The following WDR87 variants were observed in gnomAD, a reference collection of about 807,000 sequenced individuals.
The protein encoded by WDR87 is WD repeat-containing protein 87.
Under a neutral mutation model 83.3 loss-of-function variants are expected in WDR87, and 56 were observed. The observed-to-expected ratio is 0.67, with a 90% CI of 0.54 to 0.84. WDR87 has a LOEUF of 0.84. Ranked by LOEUF, WDR87 falls within the 40% of genes least tolerant of loss-of-function variation. WDR87 has a pLI of 0.00. For synonymous variants in WDR87, 1,173 were observed against 1,250.6 expected, an observed-to-expected ratio of 0.94 and a Z score of 1.31; for missense variants, 2,939 against 3,431.9, an observed-to-expected ratio of 0.86 and a Z score of 3.59.
chr19:37,891,647 G>A lies in WDR87; in HGVS notation c.3299C>T (p.Ser1100Phe). ...AGAAACTGTAGGAGGTTTCAGGGAG[G>A]ATTTAAGTTCAGAAGGCATTGAGAC... ...LDVSMPSELKSSLKPPTVSEE... is the reference protein window; with the variant it reads ...LDVSMPSELKFSLKPPTVSEE... Residue 1100 changes from serine to phenylalanine, a missense_variant, in exon 5 of 6, where the codon TCC (serine) becomes TTC (phenylalanine). Transcript: ENST00000447313. The A allele has an allele frequency of 6.4e-7, 1 of 1,551,874 alleles. No individual in the cohort carries two copies. Among genetic ancestry groups the A allele is most frequent in the Non-Finnish European group, 8.7e-7 (1 of 1,147,044 alleles).
rs919585625 is a variant in WDR87 at position 37,889,985 on chromosome 19, T to A, written c.3686A>T (p.Lys1229Met). 1.3e-6 allele frequency: 2 copies of A among 1,551,758 alleles called. No homozygotes were observed. The highest frequency in any genetic ancestry group is 1.7e-6 in the Non-Finnish European group (2 of 1,147,002). The change falls in exon 6 of 6, where the codon AAG (lysine) becomes ATG (methionine). Residue 1229 changes from lysine to methionine, a missense_variant. Physicochemically the swap from Lys to Met is moderately conservative, Grantham distance 95. This residue lies in a region of WDR87 where 2,160 missense variants were observed against 2,533.1 expected (regional missense o/e 0.85). Transcript: ENST00000447313. ...TTCTTTTCCCTTCTTTTTGTGCTTC[T>A]TTTTGAGTTTCTGAGCTGTTGCTTT... ...DKKATAQKLK[K>M]KHKKKGKEAK...
rs551828717 is a variant in WDR87, at chr19:37,904,194, G to A, written c.-47+2305C>T. Among the ~76,000 whole-genome samples the A allele has an allele frequency of 3.3e-5, 5 of 152,152 alleles. No homozygotes were observed. The South Asian group carries it at 6.2e-4, about 19-fold the overall frequency. On this transcript the variant is annotated intron_variant, in intron 1 of 5. Coordinates refer to ENST00000447313, the MANE Select transcript of WDR87 (RefSeq NM_001291088.2). ...TGGGATTACAGGCATGAGCCACTGC[G>A]CCCGGCCATTAAACAACTTTTAAAA...
Position 37,885,128 on chromosome 19 carries a change from C to A in WDR87, c.8543G>T (p.Cys2848Phe). Reference sequence around the variant, plus strand: ...ACTTCTAGGAGTATGAGAACTGCCACAAAACAGGCAGCAGAACAGCCGTTC... The same window carrying A: ...ACTTCTAGGAGTATGAGAACTGCCAAAAAACAGGCAGCAGAACAGCCGTTC... ...PGERLFCCLFCGSSHTPRSPQ... is the reference protein window; with the variant it reads ...PGERLFCCLFFGSSHTPRSPQ... The change falls in exon 6 of 6, where the codon TGT becomes TTT. Residue 2848 changes from cysteine to phenylalanine, a missense_variant. Cys to Phe is a radical substitution (Grantham distance 205, BLOSUM62 -2). Around this residue, in one of 3 missense-constraint regions of WDR87, gnomAD observed 2,160 missense variants for 2,533.1 expected, o/e 0.85. Transcript: ENST00000447313. 1 of 1,462,750 alleles carries A rather than the reference C, an allele frequency of 6.8e-7. No individual in the cohort carries two copies. The allele number at this position is 1,462,750 out of a possible 1,614,324, so 90.6% of individuals were successfully genotyped here.
At position 37,893,548 on chromosome 19, in the gene WDR87, T is replaced by C; in HGVS notation, c.2155A>G (p.Ile719Val). 2 of 1,551,802 alleles carry C rather than the reference T, an allele frequency of 1.3e-6. No individual in the cohort carries two copies. Among genetic ancestry groups the C allele is most frequent in the South Asian group, 1.2e-5 (1 of 84,070 alleles). The change falls in exon 4 of 6, where the codon ATC (isoleucine) becomes GTC (valine). Residue 719 changes from isoleucine (I) to valine (V), a missense_variant. This residue lies in a region of WDR87 where 553 missense variants were observed against 577.9 expected (regional missense o/e 0.96). Coordinates refer to ENST00000447313, the MANE Select transcript of WDR87 (RefSeq NM_001291088.2). ...SFETMFVPKY[I>V]YPGQAQQKLV... Reference sequence around the variant, plus strand: ...TTCTGTTGCGCTTGTCCAGGGTAGATGTACTTGGGCACAAACATGGTCTCA... The same window carrying C: ...TTCTGTTGCGCTTGTCCAGGGTAGACGTACTTGGGCACAAACATGGTCTCA...
chr19:37,888,006 T>A lies in WDR87; in HGVS notation c.5665A>T (p.Lys1889Ter), dbSNP rs1168646516. Reference protein sequence around the residue: ...AQEKKNLAQEKEKLAQRKENL... With the variant: ...AQEKKNLAQE Reference sequence around the variant, plus strand: ...TCTTTCCTCTGAGCCAATTTTTCCTTCTCCTGGGCCAGATTCTTCTTTTCC... The same window carrying A: ...TCTTTCCTCTGAGCCAATTTTTCCTACTCCTGGGCCAGATTCTTCTTTTCC... Residue 1889 changes from lysine (K) to a stop codon, truncating the protein, a stop_gained, in exon 6 of 6, where the codon AAG (lysine) becomes TAG (stop). Coordinates refer to ENST00000447313, the MANE Select transcript of WDR87 (RefSeq NM_001291088.2). LOFTEE classifies it low-confidence loss of function (END_TRUNC). 6.4e-7 allele frequency: 1 copy of A among 1,550,546 alleles called. No individual in the cohort carries two copies. The highest frequency in any genetic ancestry group is 8.7e-7 in the Non-Finnish European group (1 of 1,146,812).
rs1438362899 is a variant in WDR87 at position 37,889,917 on chromosome 19, G to A, written c.3754C>T (p.Gln1252Ter). Residue 1252 changes from glutamine (Q) to a stop codon, truncating the protein, a stop_gained, in exon 6 of 6, where the codon CAG (glutamine) becomes TAG (stop). Transcript: ENST00000447313. LOFTEE classifies it low-confidence loss of function (END_TRUNC). Reference protein sequence around the residue: ...NEETTPPVMEQPVTKKVKIQG... With the variant: ...NEETTPPVME ...ATTTTAACCTTTTTAGTAACTGGCT[G>A]TTCCATTACAGGAGGTGTAGTTTCC... The A allele has an allele frequency of 6.4e-7, 1 of 1,551,592 alleles. No homozygotes were observed. Among genetic ancestry groups the A allele is most frequent in the Non-Finnish European group, 8.7e-7 (1 of 1,146,994 alleles).
chr19:37,896,100 G>A (rs1273328918), intron 3 of WDR87, 38 bp downstream of exon 3: 2 of 1,550,668 alleles, frequency 1.3e-6, no homozygotes, highest in Admixed American at 3.9e-5. Flanking sequence ...CATGGCTCTT[G>A]GAGAATGGGC....
chr19:37,887,118 G>C lies in WDR87; in HGVS notation c.6553C>G (p.Leu2185Val), dbSNP rs781511961. 6 of 1,549,838 alleles carry C rather than the reference G, an allele frequency of 3.9e-6. No homozygotes were observed. The African/African-American group carries it at 6.9e-5, about 18-fold the overall frequency. ...EKKLARKQRK[L>V]ANKMRRMINK... ...ATCATTCTTCTCATTTTGTTGGCCA[G>C]TTTTCTCTGCTTCCGAGCCAGTTTC... The change falls in exon 6 of 6, where the codon CTG (leucine) becomes GTG (valine). Residue 2185 changes from leucine to valine, a missense_variant. By Grantham distance (32) the Leu-to-Val change is conservative. Around this residue, in one of 3 missense-constraint regions of WDR87, gnomAD observed 2,160 missense variants for 2,533.1 expected, o/e 0.85. Coordinates refer to ENST00000447313, the MANE Select transcript of WDR87 (RefSeq NM_001291088.2).
chr19:37,902,876 C>T (rs191980039), intron 1 of WDR87, among the ~76,000 whole-genome samples: 3 of 152,248 alleles, frequency 2.0e-5, no homozygotes, highest in Admixed American at 1.3e-4. Context: ...TGAGGGGATC[C>T]AGGCAGGTTT....
At chr19:37,902,909 C>T (rs937521120) in intron 1 of WDR87, among the ~76,000 whole-genome samples, 1 of 152,138 alleles carries the variant, frequency 6.6e-6, no homozygotes, top group African/African-American at 2.4e-5. Context: ...AGCTTATAGT[C>T]ATCAAAGAAG....
intron 2 of WDR87, 91 bp downstream of exon 2, chr19:37,898,074 A>G: frequency 6.8e-7 from 1 of 1,464,712 alleles, no homozygotes; most frequent in Non-Finnish European, 9.3e-7. Flanking sequence ...TCCTGTTCTC[A>G]AGGACAATCT....
rs188055814 is a variant in WDR87, at chr19:37,888,589, C to A, written c.5082G>T (p.Ala1694=). ...AQRGEKLSQE[A]EKLAQKRKKL... ...TCTTCCTTTTCTGGGCCAATTTCTC[C>A]GCCTCCTGGCTTAGCTTCTCCCCTC... Residue 1694 remains alanine (A), a synonymous_variant, in exon 6 of 6, where the codon GCG becomes GCT. Coordinates refer to ENST00000447313, the MANE Select transcript of WDR87 (RefSeq NM_001291088.2). The A allele has an allele frequency of 3.2e-6, 5 of 1,551,782 alleles. No homozygotes were observed. The highest frequency in any genetic ancestry group is 4.4e-6 in the Non-Finnish European group (5 of 1,147,050).
chr19:37,906,159 T>C (rs922739448), intron 1 of WDR87, among the ~76,000 whole-genome samples: 1 of 152,182 alleles, frequency 6.6e-6, no homozygotes, highest in African/African-American at 2.4e-5. Context: ...GTAACTCTTA[T>C]GGAGGAGTGG....
At chr19:37,892,358 T>C (rs1298426989) in intron 4 of WDR87, among the ~76,000 whole-genome samples, 2 of 151,968 alleles carry the variant, frequency 1.3e-5, no homozygotes, top group Admixed American at 6.6e-5. Context: ...CACTCCAGCC[T>C]GGGCAACAGA....
Position 37,894,065 on chromosome 19 carries a change from T to C in WDR87, c.1638A>G (p.Val546=), listed in dbSNP as rs777398193. The C allele has an allele frequency of 8.1e-5, 126 of 1,552,068 alleles. 1 individual carries two copies. The highest frequency in any genetic ancestry group is 1.1e-4 in the Non-Finnish European group (125 of 1,147,126). ...GAATGCTGGCGAGAGGCCGCAGTTGTACTTTGACCCCATCAAGCACAGCTT... is the reference window on the plus strand; with the variant it reads ...GAATGCTGGCGAGAGGCCGCAGTTGCACTTTGACCCCATCAAGCACAGCTT... ...LSEAVLDGVK[V]QLRPLASILS... is the part of the protein sequence containing the mutation. Residue 546 remains valine (V), a synonymous_variant, in exon 4 of 6, where the codon GTA becomes GTG. Coordinates refer to ENST00000447313, the MANE Select transcript of WDR87 (RefSeq NM_001291088.2).
intron 2 of WDR87, among the ~76,000 whole-genome samples, chr19:37,897,546 C>T (rs1317792087): frequency 6.6e-6 from 1 of 152,044 alleles, no homozygotes; most frequent in East Asian, 1.9e-4. Flanking sequence ...CATAGCAAAA[C>T]TGAGCTTGGC....
In WDR87 at chr19:37,889,967, C is replaced by A. The variant is rs867260485; in HGVS notation, c.3704G>T (p.Gly1235Val). The change falls in exon 6 of 6, where the codon GGA becomes GTA. Residue 1235 changes from glycine (G) to valine (V), a missense_variant. By Grantham distance (109) the Gly-to-Val change is moderately radical. Around this residue, in one of 3 missense-constraint regions of WDR87, gnomAD observed 2,160 missense variants for 2,533.1 expected, o/e 0.85. Coordinates refer to ENST00000447313, the MANE Select transcript of WDR87 (RefSeq NM_001291088.2). Reference sequence around the variant, plus strand: ...CTCATTTATAACTTTGGCTTCTTTTCCCTTCTTTTTGTGCTTCTTTTTGAG... The same window carrying A: ...CTCATTTATAACTTTGGCTTCTTTTACCTTCTTTTTGTGCTTCTTTTTGAG... ...QKLKKKHKKK[G>V]KEAKVINEET... 6.4e-7 allele frequency: 1 copy of A among 1,551,496 alleles called. No individual in the cohort carries two copies. The highest frequency in any genetic ancestry group is 1.4e-5 in the African/African-American group (1 of 72,998).
intron 2 of WDR87, among the ~76,000 whole-genome samples, chr19:37,897,365 C>T (rs1486309450): frequency 7.2e-5 from 11 of 151,788 alleles, no homozygotes; most frequent in Non-Finnish European, 1.6e-4. Context: ...CGGGCTACCA[C>T]ACCCGGCTAA....
At position 37,886,557 on chromosome 19, in the gene WDR87, A is replaced by G. The variant is rs966299057; in HGVS notation, c.7114T>C (p.Leu2372=). 3.6e-5 allele frequency: 54 copies of G among 1,504,640 alleles called. No homozygotes were observed. The African/African-American group carries it at 5.0e-4, about 14-fold the overall frequency. The allele number at this position is 1,504,640 out of a possible 1,614,324, so 93.2% of individuals were successfully genotyped here. A position where few individuals can be genotyped will look rare whatever the true frequency, so the allele number is the denominator to read the frequency against. ...DEEEEEESCS[L]EEEVDREKEI... is the part of the protein sequence containing the mutation. ...TTTTCCCTGTCCACCTCTTCTTCCA[A>G]TGAGCAGCTCTCCTCTTCCTCTTCC... Residue 2372 remains leucine, a synonymous_variant, in exon 6 of 6, where the codon TTG becomes CTG. Coordinates refer to ENST00000447313, the MANE Select transcript of WDR87 (RefSeq NM_001291088.2).
Sources: gnomAD v4.1 joint callset for allele counts (sites outside exome capture counted in the v4.1 genomes callset) on GRCh38, gnomAD v4.1.1 for gene constraint, gnomAD v4.1.1 regional missense constraint, MANE v1.5 for transcripts, NCBI Gene and HGNC (gene_info 2026-07-23, HGNC 2026-07-21) for gene names.